GLRX3: variants seen among roughly 807,000 people sequenced by gnomAD.
GLRX3 encodes the protein glutaredoxin-3.
A neutral mutation model predicts 49.5 loss-of-function variants in GLRX3; 22 were observed. The observed-to-expected ratio is 0.44, with a 90% CI of 0.32 to 0.63. The LOEUF is 0.63. Ranked by LOEUF, GLRX3 falls within the 30% of genes least tolerant of loss-of-function variation. The pLI is 0.05. For missense variants in GLRX3, 385 were observed against 396.3 expected (o/e 0.97, Z 0.24); for synonymous variants, 133 against 140.0 (o/e 0.95, Z 0.35).
chr10:130,137,712 A>G (rs1287957698), intron 1 of GLRX3, among the ~76,000 whole-genome samples: 1 of 152,192 alleles, frequency 6.6e-6, no homozygotes, highest in East Asian at 1.9e-4. Flanking sequence ...AGAATGGTTC[A>G]TGGAATTCAC....
intron 8 of GLRX3, among the ~76,000 whole-genome samples, chr10:130,173,780 CT>C: frequency 6.6e-6 from 1 of 151,976 alleles, no homozygotes; most frequent in Non-Finnish European, 1.5e-5. Flanking sequence ...TTTTTTTGTT[CT>C]TCTTTCAAAC....
At chr10:130,137,078 G>A (rs1294272942) in intron 1 of GLRX3, among the ~76,000 whole-genome samples, 2 of 151,994 alleles carry the variant, frequency 1.3e-5, no homozygotes, top group East Asian at 3.9e-4. Flanking sequence ...AGCTAGGCCT[G>A]GCTGCCTTTT....
intron 2 of GLRX3, among the ~76,000 whole-genome samples, chr10:130,155,006 C>G (rs1862447108): frequency 6.6e-6 from 1 of 151,936 alleles, no homozygotes; most frequent in Non-Finnish European, 1.5e-5. Flanking sequence ...AGGTCTCGCT[C>G]TGTCACCCAG....
chr10:130,160,043 T>A lies in GLRX3; in HGVS notation c.250T>A (p.Ser84Thr). The A allele has an allele frequency of 6.2e-7, 1 of 1,601,474 alleles. No homozygotes were observed. Among genetic ancestry groups the A allele is most frequent in the South Asian group, 1.1e-5 (1 of 90,768 alleles). The change falls in exon 3 of 11, where the codon TCT becomes ACT. Residue 84 changes from serine (S) to threonine (T), a missense_variant. Transcript: ENST00000331244. Reference sequence around the variant, plus strand: ...AGTATCTGAAAAATATGAAATTAGCTCTGTTCCCACTTTTCTGTTTTTCAA... The same window carrying A: ...AGTATCTGAAAAATATGAAATTAGCACTGTTCCCACTTTTCTGTTTTTCAA... Reference protein sequence around the residue: ...PEVSEKYEISSVPTFLFFKNS... With the variant: ...PEVSEKYEISTVPTFLFFKNS...
chr10:130,145,215 C>CT lies in GLRX3; in HGVS notation c.98dup (p.Leu34ProfsTer25). The CT allele has an allele frequency of 7.4e-7, 1 of 1,344,308 alleles. No homozygotes were observed. The highest frequency in any genetic ancestry group is 1.0e-6 in the Non-Finnish European group (1 of 954,530). The allele number at this position is 1,344,308 out of a possible 1,614,324, so 83.3% of individuals were successfully genotyped here. ...ATGCATTTAATTGATTTACAGGTCC[C>CT]TCCTTGTGGTCCATTTCTGGGCACC... On this transcript the variant is annotated frameshift_variant, in exon 2 of 11. Transcript: ENST00000331244. LOFTEE classifies it high-confidence loss of function.
At chr10:130,150,490 A>G (rs1373808821) in intron 2 of GLRX3, among the ~76,000 whole-genome samples, 1 of 152,320 alleles carries the variant, frequency 6.6e-6, no homozygotes, top group South Asian at 2.1e-4. Context: ...TTGTTTATAT[A>G]GTAGCTGCTG....
At chr10:130,152,835 T>C (rs1862404092) in intron 2 of GLRX3, among the ~76,000 whole-genome samples, 1 of 152,188 alleles carries the variant, frequency 6.6e-6, no homozygotes, top group Admixed American at 6.5e-5. Context: ...TTCCTGAATT[T>C]GAATGTTGGC....
At chr10:130,145,174 G>T in intron 1 of GLRX3, 37 bp from the exon 2 acceptor site, 14 of 791,788 alleles carry the variant, frequency 1.8e-5, no homozygotes, top group South Asian at 5.4e-5. Flanking sequence ...TCCAAAATTG[G>T]TATAATTTTA....
intron 10 of GLRX3, among the ~76,000 whole-genome samples, chr10:130,176,695 A>G (rs1191152806): frequency 6.6e-6 from 1 of 152,038 alleles, no homozygotes; most frequent in Non-Finnish European, 1.5e-5. Context: ...TTGCTCTTGA[A>G]TAGCCCTGAA....
intron 2 of GLRX3, 103 bp downstream of exon 2, chr10:130,145,422 G>A (rs1001510957): frequency 4.7e-5 from 28 of 590,352 alleles, no homozygotes; most frequent in Non-Finnish European, 7.9e-5. Context: ...CAGCACTTTG[G>A]GAGGCTGAGG....
chr10:130,165,273 A>G (rs987304718), intron 4 of GLRX3, among the ~76,000 whole-genome samples: 6 of 152,212 alleles, frequency 3.9e-5, no homozygotes, highest in African/African-American at 1.2e-4. Context: ...AGGGCCCTAC[A>G]TAGTATTGGG....
chr10:130,179,168 T>G (rs915704188), intron 10 of GLRX3, among the ~76,000 whole-genome samples, 174 bp from the exon 11 acceptor site: 7 of 152,194 alleles, frequency 4.6e-5, no homozygotes, highest in African/African-American at 1.7e-4. Flanking sequence ...TTTAACCTGA[T>G]AGTGTATTCA....
chr10:130,150,356 T>C (rs1862351264), intron 2 of GLRX3, among the ~76,000 whole-genome samples: 1 of 152,168 alleles, frequency 6.6e-6, no homozygotes, highest in Non-Finnish European at 1.5e-5. Flanking sequence ...GCTCCCATCC[T>C]GCTAGGCCAT....
At chr10:130,163,867 G>A (rs898514839) in intron 4 of GLRX3, among the ~76,000 whole-genome samples, 4 of 152,138 alleles carry the variant, frequency 2.6e-5, no homozygotes, top group Admixed American at 1.3e-4. Context: ...GAACACGCAC[G>A]TGGCTGCTCT....
intron 1 of GLRX3, among the ~76,000 whole-genome samples, chr10:130,138,012 A>G (rs1862098212): frequency 6.6e-6 from 1 of 152,088 alleles, no homozygotes; most frequent in African/African-American, 2.4e-5. Flanking sequence ...TTGGGATTAC[A>G]GGTGTGAGCT....
chr10:130,164,397 G>A (rs1187686269), intron 4 of GLRX3, among the ~76,000 whole-genome samples: 1 of 152,180 alleles, frequency 6.6e-6, no homozygotes, highest in Non-Finnish European at 1.5e-5. Context: ...AGGTATTTGA[G>A]GCATAGTCAG....
intron 1 of GLRX3, among the ~76,000 whole-genome samples, chr10:130,142,905 G>C (rs964160380): frequency 6.6e-6 from 1 of 152,170 alleles, no homozygotes; most frequent in African/African-American, 2.4e-5. Flanking sequence ...TAAGCCCCCT[G>C]AGGCGCTGAC....
intron 10 of GLRX3, among the ~76,000 whole-genome samples, chr10:130,176,188 C>T (rs564507199): frequency 1.4e-4 from 21 of 150,726 alleles, no homozygotes; most frequent in African/African-American, 4.6e-4. Flanking sequence ...GGTGCAATCT[C>T]GGCTCACTGC....
chr10:130,146,825 AAC>A (rs1420042044), intron 2 of GLRX3, among the ~76,000 whole-genome samples: 1 of 152,232 alleles, frequency 6.6e-6, no homozygotes, highest in Admixed American at 6.5e-5. Context: ...GTAAACTGAA[AAC>A]ACAGAATTTT....
Sources: allele counts gnomAD v4.1 joint callset (sites outside exome capture counted in the v4.1 genomes callset), GRCh38; gene constraint gnomAD v4.1.1; transcripts MANE v1.5; gene names NCBI Gene and HGNC (gene_info 2026-07-23, HGNC 2026-07-21).